The following KAT6B variants were observed in gnomAD, a reference collection of about 807,000 sequenced individuals.
The protein encoded by KAT6B is histone acetyltransferase KAT6B.
Under a neutral mutation model 187.5 loss-of-function variants are expected in KAT6B, and 10 were observed. The ratio of observed to expected loss-of-function variants is 0.05; its 90% CI spans 0.03 to 0.09. KAT6B has a LOEUF of 0.09. KAT6B is among the 10% of genes least tolerant of loss of function. The pLI is 1.00. For synonymous variants in KAT6B, 861 were observed against 926.8 expected (o/e 0.93, Z 1.29); for missense variants, 1,952 against 2,558.9 (o/e 0.76, Z 5.12).
chr10:74,947,304 A>G (rs564219835), intron 3 of KAT6B, among the ~76,000 whole-genome samples: 1 of 152,324 alleles, frequency 6.6e-6, no homozygotes, highest in South Asian at 2.1e-4. Flanking sequence ...AAAAACAAAA[A>G]CAAACAAACT....
chr10:74,934,758 C>T (rs1227367296), intron 3 of KAT6B, among the ~76,000 whole-genome samples: 4 of 152,152 alleles, frequency 2.6e-5, no homozygotes, highest in Admixed American at 1.3e-4. Flanking sequence ...CTTGAAATCC[C>T]GTCTTCCCTA....
chr10:74,959,478 A>G (rs961117100), intron 3 of KAT6B, among the ~76,000 whole-genome samples: 2 of 152,268 alleles, frequency 1.3e-5, no homozygotes, highest in African/African-American at 4.8e-5. Context: ...CTTCTGAGTC[A>G]TACATTATAC....
At chr10:74,971,860 T>C (rs1841866743) in intron 6 of KAT6B, among the ~76,000 whole-genome samples, 1 of 152,148 alleles carries the variant, frequency 6.6e-6, no homozygotes, top group South Asian at 2.1e-4. Context: ...TCCAGATAGA[T>C]AGCTATTTGT....
At chr10:75,013,416 G>T (rs992200439) in intron 13 of KAT6B, among the ~76,000 whole-genome samples, 1 of 151,730 alleles carries the variant, frequency 6.6e-6, no homozygotes, top group Admixed American at 6.6e-5. Flanking sequence ...TAGCTGGGGG[G>T]AGGGGAGAGG....
chr10:74,961,362 A>AGT (rs945782887), intron 4 of KAT6B, among the ~76,000 whole-genome samples: 11 of 152,198 alleles, frequency 7.2e-5, no homozygotes, highest in African/African-American at 2.7e-4. Flanking sequence ...TGATCAATTT[A>AGT]GTGGTGTTCA....
intron 3 of KAT6B, among the ~76,000 whole-genome samples, chr10:74,930,076 T>C (rs1387453590): frequency 6.6e-6 from 1 of 151,932 alleles, no homozygotes; most frequent in Non-Finnish European, 1.5e-5. Flanking sequence ...CCTGCCGCCA[T>C]ACCTGGCTAA....
intron 4 of KAT6B, among the ~76,000 whole-genome samples, chr10:74,961,472 C>T (rs1841091356): frequency 6.6e-6 from 1 of 152,290 alleles, no homozygotes; most frequent in East Asian, 1.9e-4. Flanking sequence ...GGTGCCTAGA[C>T]AGATTAAAGA....
chr10:74,885,173 T>G (rs1845148038), intron 3 of KAT6B, among the ~76,000 whole-genome samples: 1 of 152,098 alleles, frequency 6.6e-6, no homozygotes, highest in Non-Finnish European at 1.5e-5. Flanking sequence ...GCTCAAGTGA[T>G]TCTCCTGCCT....
upstream of KAT6B, among the ~76,000 whole-genome samples, chr10:74,826,269 G>C (rs1394586451): frequency 6.6e-6 from 1 of 152,198 alleles, no homozygotes; most frequent in African/African-American, 2.4e-5. Flanking sequence ...GGTGGAAGTA[G>C]AGGTGGCGCG....
rs972190126 is a variant in KAT6B at position 75,030,911 on chromosome 10, C to T, written c.6087C>T (p.Gly2029=). ...TGCAGATGCAGATGGGCATGATGGGCACCCAGCCATATGCCCAGCAGCCAA... is the reference window on the plus strand; with the variant it reads ...TGCAGATGCAGATGGGCATGATGGGTACCCAGCCATATGCCCAGCAGCCAA... ...YPMQMQMGMM[G]TQPYAQQPMQ... Residue 2029 remains glycine, a synonymous_variant, in exon 18 of 18, where the codon GGC becomes GGT. Transcript: ENST00000287239. The surrounding 1 kb of genome is among the most constrained non-coding windows in gnomAD (Gnocchi z 4.8). 1.9e-6 allele frequency: 3 copies of T among 1,613,976 alleles called. No homozygotes were observed. In the East Asian group the frequency reaches 6.7e-5, roughly 36 times the overall value.
At chr10:74,828,944 C>T (rs982037421) in intron 1 of KAT6B, among the ~76,000 whole-genome samples, 2 of 150,396 alleles carry the variant, frequency 1.3e-5, no homozygotes, top group African/African-American at 4.9e-5. Flanking sequence ...GGATAATGCA[C>T]ATGTTTTTTC....
intron 7 of KAT6B, among the ~76,000 whole-genome samples, chr10:74,972,926 C>G (rs1841939255): frequency 6.6e-6 from 1 of 152,080 alleles, no homozygotes; most frequent in South Asian, 2.1e-4. Flanking sequence ...GTCATTCAGC[C>G]TACTTTATTA....
intron 3 of KAT6B, among the ~76,000 whole-genome samples, chr10:74,876,481 TA>T (rs1207418259): frequency 6.6e-6 from 1 of 152,246 alleles, no homozygotes; most frequent in Non-Finnish European, 1.5e-5. Context: ...ACTGCTTTCA[TA>T]GTTACACAGA....
intron 4 of KAT6B, among the ~76,000 whole-genome samples, chr10:74,965,529 T>C (rs148259189): frequency 1.3e-5 from 2 of 152,286 alleles, no homozygotes; most frequent in Non-Finnish European, 2.9e-5. Context: ...AGGTAGCCAG[T>C]CTGAGGGGCT....
At chr10:74,874,815 GGTGTGTGT>G (rs138962788) in intron 3 of KAT6B, among the ~76,000 whole-genome samples, 1 of 150,724 alleles carries the variant, frequency 6.6e-6, no homozygotes, top group Non-Finnish European at 1.5e-5. Context: ...GTGTGTGTGG[GGTGTGTGT>G]GTGTGTGTAT....
intron 7 of KAT6B, 22 bp from the exon 8 acceptor site, chr10:74,975,377 T>C: frequency 6.3e-7 from 1 of 1,597,094 alleles, no homozygotes; most frequent in Non-Finnish European, 8.6e-7. Context: ...ATGCTGATAC[T>C]ATTCTCTAAA....
intron 14 of KAT6B, 55 bp downstream of exon 14, chr10:75,020,868 G>C (rs1845349646): frequency 1.4e-6 from 2 of 1,427,714 alleles, no homozygotes; most frequent in Non-Finnish European, 2.0e-6. Context: ...CACCAGAAAG[G>C]GTCCCTGGAG....
intron 2 of KAT6B, among the ~76,000 whole-genome samples, chr10:74,839,976 T>A (rs1841609315): frequency 6.6e-6 from 1 of 152,136 alleles, no homozygotes; most frequent in Non-Finnish European, 1.5e-5. Flanking sequence ...TTCAAAACAA[T>A]CTTTAGCAGG....
intron 1 of KAT6B, among the ~76,000 whole-genome samples, chr10:74,833,432 C>G (rs1364698638): frequency 6.6e-6 from 1 of 152,164 alleles, no homozygotes; most frequent in Non-Finnish European, 1.5e-5. Flanking sequence ...ATCAAATTTC[C>G]TGTGAGGTTC....
Sources: gnomAD v4.1 joint callset for allele counts (sites outside exome capture counted in the v4.1 genomes callset) on GRCh38, gnomAD v4.1.1 for gene constraint, Gnocchi (gnomAD v3.1) non-coding constraint, MANE v1.5 for transcripts, NCBI Gene and HGNC (gene_info 2026-07-23, HGNC 2026-07-21) for gene names.